CDC42BPA: variants seen among roughly 807,000 people sequenced by gnomAD.
CDC42BPA encodes CDC42 binding protein kinase alpha, also known as serine/threonine-protein kinase MRCK alpha.
In CDC42BPA, 80 loss-of-function variants were observed where a neutral mutation model predicts 223.5. That is an observed-to-expected ratio of 0.36 (90% CI 0.30 to 0.43). The LOEUF (loss-of-function observed/expected upper bound fraction) is 0.43. Ranked by LOEUF, CDC42BPA falls within the 20% of genes least tolerant of loss-of-function variation. The pLI is 1.00. For missense variants in CDC42BPA, 1,743 were observed against 2,099.9 expected (o/e 0.83, Z 3.32); for synonymous variants, 694 against 718.6 (o/e 0.97, Z 0.55).
chr1:227,199,219 C>T (rs1671303474), intron 4 of CDC42BPA, among the ~76,000 whole-genome samples: 1 of 152,124 alleles, frequency 6.6e-6, no homozygotes, highest in East Asian at 1.9e-4. Context: ...TTTTAAAGTA[C>T]TAGCTGGACT....
intron 21 of CDC42BPA, chr1:227,068,812 CAAAT>C (rs2149033772): frequency 4.2e-6 from 1 of 235,558 alleles, no homozygotes; most frequent in Non-Finnish European, 8.5e-6. Flanking sequence ...GACATTAATT[CAAAT>C]AAATAAATGA....
intron 1 of CDC42BPA, among the ~76,000 whole-genome samples, chr1:227,271,276 A>G (rs550779456): frequency 8.8e-4 from 134 of 152,330 alleles, no homozygotes; most frequent in African/African-American, 3.1e-3. Context: ...TGACACAGCT[A>G]AAGAAAGTAC....
chr1:227,305,560 T>A (rs972568419), intron 1 of CDC42BPA, among the ~76,000 whole-genome samples: 1 of 152,232 alleles, frequency 6.6e-6, no homozygotes, highest in African/African-American at 2.4e-5. Flanking sequence ...ATGTCATTCT[T>A]ATTAAGCTGA....
chr1:227,201,795 C>CA (rs1239454264), intron 3 of CDC42BPA, among the ~76,000 whole-genome samples: 1 of 144,744 alleles, frequency 6.9e-6, no homozygotes, highest in Non-Finnish European at 1.5e-5. Context: ...TTTCAAGTAA[C>CA]AATGAATTTG....
At position 227,168,825 on chromosome 1, in the gene CDC42BPA, CATAAAA is replaced by C. The variant is rs763162616; in HGVS notation, c.600-8195_600-8190del. 1.5e-4 allele frequency among the ~76,000 whole-genome samples: 23 copies of C among 152,196 alleles called. 1 individual carries two copies. Among genetic ancestry groups the C allele is most frequent in the East Asian group, 1.2e-3 (6 of 5,174 alleles). On this transcript the variant is annotated intron_variant, in intron 5 of 36. Transcript: ENST00000366766. ...TGGTGTTTCTTGAGCATCTCAAATA[CATAAAA>C]TTATATCTTTCATCAAATTTGAGGC...
At chr1:227,094,654 G>T (rs1683665451) in intron 15 of CDC42BPA, among the ~76,000 whole-genome samples, 1 of 152,142 alleles carries the variant, frequency 6.6e-6, no homozygotes, top group Non-Finnish European at 1.5e-5. Flanking sequence ...CCCAAGGTGG[G>T]TAAATAAAAA....
intron 17 of CDC42BPA, among the ~76,000 whole-genome samples, chr1:227,080,309 T>C (rs1473481143): frequency 6.6e-6 from 1 of 152,160 alleles, no homozygotes; most frequent in African/African-American, 2.4e-5. Context: ...ATGAAATTTT[T>C]TTACCAGCAC....
chr1:227,315,957 A>C (rs1694314702), intron 1 of CDC42BPA, among the ~76,000 whole-genome samples: 1 of 92,032 alleles, frequency 1.1e-5, no homozygotes, highest in South Asian at 5.0e-4. Flanking sequence ...TTCAAATCCA[A>C]AAAAAAAAAA....
At chr1:227,286,705 C>G (rs1246197446) in intron 1 of CDC42BPA, among the ~76,000 whole-genome samples, 2 of 152,154 alleles carry the variant, frequency 1.3e-5, no homozygotes, top group African/African-American at 4.8e-5. Flanking sequence ...AAAGGAATAT[C>G]TGAATGGCTG....
chr1:227,091,433 C>A (rs1683062876), intron 16 of CDC42BPA, among the ~76,000 whole-genome samples: 1 of 152,150 alleles, frequency 6.6e-6, no homozygotes, highest in South Asian at 2.1e-4. Flanking sequence ...CCTCCCCAGT[C>A]TCTCTCTTGC....
At position 227,017,042 on chromosome 1, in the gene CDC42BPA, C is replaced by T. The variant is rs755208656; in HGVS notation, c.4624G>A (p.Glu1542Lys). The change falls in exon 33 of 37, where the codon GAA becomes AAA. Residue 1542 changes from glutamate to lysine, a missense_variant. Transcript: ENST00000366766. ...TCTGATGTTTCAGGTACTACCAGTT[C>T]GTCCCCTTCTGTTAAAATAAAAATA... ...YFKNKMAEGD[E>K]LVVPETSDNS... 18 of 1,607,788 alleles carry T rather than the reference C, an allele frequency of 1.1e-5. No individual in the cohort carries two copies. The highest frequency in any genetic ancestry group is 2.2e-5 in the South Asian group (2 of 89,512).
At chr1:227,114,752 A>C (rs934711547) in intron 12 of CDC42BPA, among the ~76,000 whole-genome samples, 2 of 152,192 alleles carry the variant, frequency 1.3e-5, no homozygotes, top group African/African-American at 2.4e-5. Context: ...GGAGCATTTC[A>C]GATTTTGGAT....
intron 22 of CDC42BPA, among the ~76,000 whole-genome samples, chr1:227,050,240 AT>A: frequency 6.6e-6 from 1 of 152,200 alleles, no homozygotes; most frequent in Non-Finnish European, 1.5e-5. Context: ...AAGATGCTGA[AT>A]AACACTAGAA....
Position 227,317,330 on chromosome 1 carries a change from TC to T in CDC42BPA, c.-149del. 1.4e-6 allele frequency: 1 copy of T among 740,734 alleles called. No homozygotes were observed. Among genetic ancestry groups the T allele is most frequent in the East Asian group, 2.7e-5 (1 of 36,612 alleles). 45.9% of individuals were successfully genotyped at this position (740,734 alleles called of 1,614,324 possible). A position where few individuals can be genotyped will look rare whatever the true frequency, so the allele number is the denominator to read the frequency against. ...TGCAATGCTGGTGCTGAATTAAACA[TC>T]CAACACACCAGTAACCTCACTTAAC... On this transcript the variant is annotated 5_prime_UTR_variant, in exon 1 of 37. The change abolishes the stop of an existing upstream ORF in the 5' untranslated region. Coordinates refer to ENST00000366766, the MANE Select transcript of CDC42BPA (RefSeq NM_001394014.1).
intron 35 of CDC42BPA, among the ~76,000 whole-genome samples, chr1:227,003,347 C>T (rs527514622): frequency 2.6e-5 from 4 of 152,210 alleles, no homozygotes; most frequent in South Asian, 2.1e-4. Flanking sequence ...ACTGCACTTA[C>T]GCTGGCACAC....
chr1:227,179,264 T>C (rs1338026498), intron 5 of CDC42BPA, among the ~76,000 whole-genome samples: 2 of 152,122 alleles, frequency 1.3e-5, no homozygotes, highest in African/African-American at 2.4e-5. Context: ...ATAGTAATGG[T>C]TGCAAATATC....
intron 11 of CDC42BPA, among the ~76,000 whole-genome samples, chr1:227,125,222 CAT>C (rs1402845147): frequency 1.3e-5 from 2 of 151,776 alleles, no homozygotes; most frequent in African/African-American, 4.8e-5. Context: ...AAACTGGCCC[CAT>C]GTCACCAATG....
intron 2 of CDC42BPA, among the ~76,000 whole-genome samples, chr1:227,230,175 AAG>A (rs1488224246): frequency 6.6e-6 from 1 of 152,220 alleles, no homozygotes; most frequent in African/African-American, 2.4e-5. Flanking sequence ...AACTGCCTGA[AAG>A]AGAAAGGTAG....
intron 5 of CDC42BPA, among the ~76,000 whole-genome samples, chr1:227,173,447 T>TA (rs1558673842): frequency 6.6e-6 from 1 of 152,184 alleles, no homozygotes; most frequent in Non-Finnish European, 1.5e-5. Context: ...TAATTTATGA[T>TA]ACATGTAATT....
Sources: allele counts gnomAD v4.1 joint callset (sites outside exome capture counted in the v4.1 genomes callset), GRCh38; gene constraint gnomAD v4.1.1; transcripts MANE v1.5; gene names NCBI Gene and HGNC (gene_info 2026-07-23, HGNC 2026-07-21).